The following CSMD1 variants were observed in gnomAD, a reference collection of about 807,000 sequenced individuals.
CSMD1 encodes CUB and sushi domain-containing protein 1.
In CSMD1, 213 loss-of-function variants were observed where a neutral mutation model predicts 417.5. The observed-to-expected ratio is 0.51, with a 90% CI of 0.46 to 0.57. The LOEUF (loss-of-function observed/expected upper bound fraction) is 0.57. CSMD1 is among the 20% of genes least tolerant of loss of function. CSMD1 has a pLI of 0.00. For missense variants in CSMD1, 6,923 were observed against 4,529.7 expected (o/e 1.53, Z -15.17); for synonymous variants, 2,862 against 1,736.8 (o/e 1.65, Z -16.11).
chr8:4,300,824 G>A (rs1339875155), intron 3 of CSMD1, among the ~76,000 whole-genome samples: 3 of 152,186 alleles, frequency 2.0e-5, no homozygotes, highest in East Asian at 1.9e-4. Flanking sequence ...TGAGAATGAT[G>A]GTTTCCAGTT....
At chr8:3,609,541 G>A (rs1453160249) in intron 8 of CSMD1, among the ~76,000 whole-genome samples, 1 of 151,890 alleles carries the variant, frequency 6.6e-6, no homozygotes, top group African/African-American at 2.4e-5. Flanking sequence ...GATTTCTCAA[G>A]AACCCAGAAT....
chr8:3,838,743 A>C lies in CSMD1; in HGVS notation c.819-84701T>G, dbSNP rs1358213591. On this transcript the variant is annotated intron_variant, in intron 5 of 69. Coordinates refer to ENST00000635120, the MANE Select transcript of CSMD1 (RefSeq NM_033225.6). ...TAATAAATTAATATTATATAGTATA[A>C]TATATAATAAATATTATATAGTATA... Among the ~76,000 whole-genome samples the C allele has an allele frequency of 1.3e-3, 100 of 77,458 alleles. 23 individuals carry two copies. The highest frequency in any genetic ancestry group is 4.5e-3 in the African/African-American group (57 of 12,696). The allele number at this position is 77,458 out of a possible 152,430, so 50.8% of individuals were successfully genotyped here.
chr8:4,400,964 A>G (rs1804606423), intron 3 of CSMD1, among the ~76,000 whole-genome samples: 1 of 15,842 alleles, frequency 6.3e-5, no homozygotes, highest in African/African-American at 2.0e-4. Flanking sequence ...ATTATGTCTT[A>G]TATTCCCTAA....
At chr8:4,505,763 G>C (rs1479060197) in intron 2 of CSMD1, among the ~76,000 whole-genome samples, 1 of 151,856 alleles carries the variant, frequency 6.6e-6, no homozygotes, top group Non-Finnish European at 1.5e-5. Flanking sequence ...TGGCTTGTAA[G>C]TTTTGTTCTT....
chr8:4,361,378 G>C (rs1801749732), intron 3 of CSMD1, among the ~76,000 whole-genome samples: 1 of 131,408 alleles, frequency 7.6e-6, no homozygotes, highest in South Asian at 2.2e-4. Context: ...ATTTAATGTA[G>C]CCTCATGAAG....
chr8:4,009,569 G>C (rs771677072), intron 4 of CSMD1, among the ~76,000 whole-genome samples: 4 of 152,188 alleles, frequency 2.6e-5, no homozygotes, highest in Non-Finnish European at 4.4e-5. Flanking sequence ...AGGTTATACA[G>C]TTGGATGTGT....
intron 3 of CSMD1, among the ~76,000 whole-genome samples, chr8:4,101,535 C>G (rs141032268): frequency 6.6e-6 from 1 of 152,122 alleles, no homozygotes; most frequent in African/African-American, 2.4e-5. Context: ...GGAAACATAC[C>G]TAAAAAATTA....
At chr8:3,520,908 T>G (rs867599753) in intron 10 of CSMD1, among the ~76,000 whole-genome samples, 1 of 152,220 alleles carries the variant, frequency 6.6e-6, no homozygotes, top group Middle Eastern at 3.4e-3. Flanking sequence ...TCCTGGTCAC[T>G]GAGCTTCAAC....
In CSMD1 at chr8:3,914,691, T is replaced by C. The variant is rs568148593; in HGVS notation, c.818+83212A>G. The stretch of plus-strand genomic sequence containing the variant: ...GCATTAAGTCAGCTTGGTTGTCAAG[T>C]TGAAAGATGTCTTTATTTTTTGACT... On this transcript the variant is annotated intron_variant, in intron 5 of 69. Transcript: ENST00000635120. Among the ~76,000 whole-genome samples the C allele has an allele frequency of 9.2e-5, 14 of 152,294 alleles. No individual in the cohort carries two copies. The South Asian group carries it at 1.5e-3, about 16-fold the overall frequency.
At chr8:4,286,333 T>C (rs1265159816) in intron 3 of CSMD1, among the ~76,000 whole-genome samples, 5 of 152,168 alleles carry the variant, frequency 3.3e-5, no homozygotes, top group African/African-American at 7.2e-5. Flanking sequence ...AACATTCTTT[T>C]ATTTTTAAAA....
chr8:4,395,268 G>T (rs557820655), intron 3 of CSMD1, among the ~76,000 whole-genome samples: 31 of 152,196 alleles, frequency 2.0e-4, no homozygotes, highest in Middle Eastern at 3.4e-3. Context: ...TCTTACTCCA[G>T]AACTACCACA....
chr8:4,461,741 A>ATC (rs1554487160), intron 2 of CSMD1, among the ~76,000 whole-genome samples: 2 of 124,550 alleles, frequency 1.6e-5, no homozygotes, highest in African/African-American at 6.1e-5. Context: ...TTATTTACTT[A>ATC]TTTTTTTTTT....
At chr8:4,729,652 G>C (rs910136002) in intron 1 of CSMD1, among the ~76,000 whole-genome samples, 2 of 152,208 alleles carry the variant, frequency 1.3e-5, no homozygotes, top group South Asian at 4.1e-4. Flanking sequence ...CTTTGCATGA[G>C]TATCTATTTG....
At chr8:4,135,990 A>T (rs555231416) in intron 3 of CSMD1, among the ~76,000 whole-genome samples, 29 of 152,322 alleles carry the variant, frequency 1.9e-4, no homozygotes, top group African/African-American at 6.0e-4. Context: ...AGTCATTTTC[A>T]TCACAAATTG....
chr8:4,413,244 T>C (rs1329217363), intron 3 of CSMD1, among the ~76,000 whole-genome samples: 1 of 152,212 alleles, frequency 6.6e-6, no homozygotes, highest in African/African-American at 2.4e-5. Context: ...AACTGTGAGC[T>C]GGCTAAGCTT....
At chr8:4,377,814 C>G (rs1328282131) in intron 3 of CSMD1, among the ~76,000 whole-genome samples, 1 of 152,128 alleles carries the variant, frequency 6.6e-6, no homozygotes, top group Non-Finnish European at 1.5e-5. Flanking sequence ...AATTGTTTAG[C>G]TTTGTGTATA....
At chr8:4,583,435 A>G (rs889754265) in intron 2 of CSMD1, among the ~76,000 whole-genome samples, 1 of 152,140 alleles carries the variant, frequency 6.6e-6, no homozygotes, top group African/African-American at 2.4e-5. Flanking sequence ...TGAGTGCACC[A>G]ATCGACACTC....
chr8:3,388,721 T>C (rs920354111), intron 17 of CSMD1, among the ~76,000 whole-genome samples: 4 of 152,320 alleles, frequency 2.6e-5, no homozygotes, highest in African/African-American at 9.6e-5. Context: ...TCTATTGCCC[T>C]AAACAACAGA....
At chr8:3,779,685 C>T (rs530939628) in intron 5 of CSMD1, among the ~76,000 whole-genome samples, 1 of 151,992 alleles carries the variant, frequency 6.6e-6, no homozygotes, top group Non-Finnish European at 1.5e-5. Flanking sequence ...ATATAGAAAA[C>T]CAGATACAAC....
Sources: allele counts gnomAD v4.1 joint callset (sites outside exome capture counted in the v4.1 genomes callset), GRCh38; gene constraint gnomAD v4.1.1; transcripts MANE v1.5; gene names NCBI Gene and HGNC (gene_info 2026-07-23, HGNC 2026-07-21).